Variants in B3GLCT observed in about 807,000 individuals in gnomAD.
B3GLCT encodes beta-1,3-glucosyltransferase.
Under a neutral mutation model 63.4 loss-of-function variants are expected in B3GLCT, and 65 were observed. That is an observed-to-expected ratio of 1.03 (90% confidence interval 0.84 to 1.26). B3GLCT has a LOEUF of 1.26. Among genes scored for constraint, B3GLCT ranks in the 50% most tolerant of loss-of-function variants. The probability of loss-of-function intolerance (pLI) is 0.00; values close to 1 mark genes in which losing one functional copy is unlikely to be tolerated. For missense variants in B3GLCT, 577 were observed against 604.8 expected (o/e 0.95, Z 0.48); for synonymous variants, 233 against 219.2 (o/e 1.06, Z -0.55).
intron 4 of B3GLCT, among the ~76,000 whole-genome samples, chr13:31,233,418 A>T (rs1870478775): frequency 6.6e-6 from 1 of 152,108 alleles, no homozygotes; most frequent in African/African-American, 2.4e-5. Context: ...ATCCTTCAGT[A>T]TTGAAACAAA....
intron 3 of B3GLCT, among the ~76,000 whole-genome samples, chr13:31,227,299 C>G (rs1870149071): frequency 6.6e-6 from 1 of 151,960 alleles, no homozygotes; most frequent in South Asian, 2.1e-4. Context: ...ATTTCTGGGT[C>G]ATTGGGAATG....
At position 31,247,087 on chromosome 13, in the gene B3GLCT, C is replaced by G; in HGVS notation, c.335C>G (p.Pro112Arg). ...AKQEGAWTIL[P>R]LLPHFSVTYS... Reference sequence around the variant, plus strand: ...CAAGAAGGTGCATGGACCATACTTCCGTTGTTACCGCAGTACGTTTGTTTA... The same window carrying G: ...CAAGAAGGTGCATGGACCATACTTCGGTTGTTACCGCAGTACGTTTGTTTA... The change falls in exon 5 of 15, where the codon CCG becomes CGG. Residue 112 changes from proline to arginine, a missense_variant. Physicochemically the swap from Pro to Arg is moderately radical, Grantham distance 103 (BLOSUM62 -2). Coordinates refer to ENST00000343307, the MANE Select transcript of B3GLCT (RefSeq NM_194318.4). The G allele has an allele frequency of 6.2e-7, 1 of 1,612,890 alleles. No homozygotes were observed. Among genetic ancestry groups the G allele is most frequent in the Non-Finnish European group, 8.5e-7 (1 of 1,179,170 alleles).
At chr13:31,302,351 G>A (rs539848957) in intron 12 of B3GLCT, among the ~76,000 whole-genome samples, 12 of 151,992 alleles carry the variant, frequency 7.9e-5, no homozygotes, top group South Asian at 2.1e-4. Context: ...GAACAGCTCC[G>A]GTCTACAGCT....
chr13:31,200,476 G>A (rs1310978831), intron 1 of B3GLCT, among the ~76,000 whole-genome samples: 2 of 149,952 alleles, frequency 1.3e-5, no homozygotes, highest in Admixed American at 6.6e-5. Flanking sequence ...CGGCGAGGGC[G>A]CAGCAGCCGC....
At chr13:31,306,503 T>C (rs1476538092) in intron 12 of B3GLCT, among the ~76,000 whole-genome samples, 2 of 108,014 alleles carry the variant, frequency 1.9e-5, no homozygotes, top group East Asian at 5.7e-4. Context: ...AAAATCAATG[T>C]ACAAAAATCA....
intron 8 of B3GLCT, among the ~76,000 whole-genome samples, chr13:31,272,424 G>A (rs948101837): frequency 4.0e-5 from 6 of 151,800 alleles, no homozygotes; most frequent in African/African-American, 1.5e-4. Flanking sequence ...CACCATCTTG[G>A]CCAGGCTGGT....
intron 1 of B3GLCT, among the ~76,000 whole-genome samples, chr13:31,201,325 A>G (rs1193238569): frequency 6.6e-6 from 1 of 152,218 alleles, no homozygotes; most frequent in Non-Finnish European, 1.5e-5. Context: ...TGGCATTTCT[A>G]TAGGCGCTCA....
chr13:31,282,683 G>A (rs533705782), intron 10 of B3GLCT, among the ~76,000 whole-genome samples: 1 of 151,916 alleles, frequency 6.6e-6, no homozygotes, highest in East Asian at 1.9e-4. Flanking sequence ...ATGCATGGAG[G>A]TTATATTGAC....
chr13:31,279,945 G>T (rs1484890455), intron 10 of B3GLCT, among the ~76,000 whole-genome samples: 1 of 152,196 alleles, frequency 6.6e-6, no homozygotes, highest in Non-Finnish European at 1.5e-5. Flanking sequence ...GCTTTTGAGA[G>T]AAGTGAAATA....
At chr13:31,288,550 C>T (rs146380506) in intron 12 of B3GLCT, among the ~76,000 whole-genome samples, 8 of 152,310 alleles carry the variant, frequency 5.3e-5, no homozygotes, top group Non-Finnish European at 1.2e-4. Flanking sequence ...AAGACTGACT[C>T]AGTTGGCATC....
chr13:31,289,770 G>A (rs1330402318), intron 12 of B3GLCT, among the ~76,000 whole-genome samples: 2 of 152,032 alleles, frequency 1.3e-5, no homozygotes, highest in Non-Finnish European at 2.9e-5. Flanking sequence ...GATTAACCTT[G>A]AATATAACTG....
At chr13:31,222,134 A>G (rs966503229) in intron 2 of B3GLCT, among the ~76,000 whole-genome samples, 1 of 141,520 alleles carries the variant, frequency 7.1e-6, no homozygotes, top group African/African-American at 2.7e-5. Flanking sequence ...GCTGGAATGC[A>G]GTGACACGAT....
Position 31,200,126 on chromosome 13 carries a change from G to A in B3GLCT, c.42G>A (p.Ala14=), listed in dbSNP as rs1201580196. Residue 14 remains alanine, a synonymous_variant, in exon 1 of 15, where the codon GCG becomes GCA. Coordinates refer to ENST00000343307, the MANE Select transcript of B3GLCT (RefSeq NM_194318.4). ...PACWWLLAPP[A]LLALLTCSLA... is the part of the protein sequence containing the mutation. ...GCTGGTGGCTGCTCGCGCCGCCGGCGCTGCTCGCGCTCCTCACCTGCTCCC... is the reference window on the plus strand; with the variant it reads ...GCTGGTGGCTGCTCGCGCCGCCGGCACTGCTCGCGCTCCTCACCTGCTCCC... The A allele has an allele frequency of 2.2e-6, 3 of 1,374,104 alleles. No homozygotes were observed. Among genetic ancestry groups the A allele is most frequent in the South Asian group, 1.4e-5 (1 of 71,402 alleles). 85.1% of individuals were successfully genotyped at this position (1,374,104 alleles called of 1,614,324 possible).
intron 4 of B3GLCT, among the ~76,000 whole-genome samples, chr13:31,244,767 A>G (rs989761937): frequency 6.6e-6 from 1 of 152,112 alleles, no homozygotes; most frequent in East Asian, 1.9e-4. Flanking sequence ...ATGTGTGTAT[A>G]TGTATATGAC....
chr13:31,270,508 A>C (rs1478828914), intron 8 of B3GLCT, among the ~76,000 whole-genome samples: 1 of 152,238 alleles, frequency 6.6e-6, no homozygotes, highest in Admixed American at 6.5e-5. Context: ...AAATCTACTA[A>C]ACATTGAATA....
chr13:31,274,386 T>G, intron 8 of B3GLCT, 123 bp from the exon 9 acceptor site: 3 of 1,274,942 alleles, frequency 2.4e-6, no homozygotes, highest in Non-Finnish European at 3.4e-6. Flanking sequence ...ACTGACAAAT[T>G]GATATGGTTC....
rs1279824959 is a variant in B3GLCT at position 31,289,487 on chromosome 13, TGAAA to T, written c.1064+2676_1064+2679del. Among the ~76,000 whole-genome samples the T allele has an allele frequency of 1.2e-4, 18 of 152,258 alleles. No homozygotes were observed. In the East Asian group the frequency reaches 2.7e-3, roughly 23 times the overall value. On this transcript the variant is annotated intron_variant, in intron 12 of 14. Transcript: ENST00000343307. ...TATATTCAGAATGTTTAAATTCAAG[TGAAA>T]GAAAGAATCTTTAAAATTAGCAAGA...
In B3GLCT at chr13:31,200,057, G is replaced by T; in HGVS notation, c.-28G>T. On this transcript the variant is annotated 5_prime_UTR_variant, in exon 1 of 15. In the 5' UTR this introduces an upstream ATG that the reference lacks. Coordinates refer to ENST00000343307, the MANE Select transcript of B3GLCT (RefSeq NM_194318.4). ...CGCGCGTCTCCCTTCCCCGCGCCCAGGTAGGGCGCTCAGCCTCCGCCGCCA... is the reference window on the plus strand; with the variant it reads ...CGCGCGTCTCCCTTCCCCGCGCCCATGTAGGGCGCTCAGCCTCCGCCGCCA... 4 of 1,339,140 alleles carry T rather than the reference G, an allele frequency of 3.0e-6. No homozygotes were observed. The highest frequency in any genetic ancestry group is 1.9e-6 in the Non-Finnish European group (2 of 1,032,660). The allele number at this position is 1,339,140 out of a possible 1,614,324, so 83.0% of individuals were successfully genotyped here.
At position 31,200,127 on chromosome 13, in the gene B3GLCT, C is replaced by T. The variant is rs2137720965; in HGVS notation, c.43C>T (p.Leu15=). ...ACWWLLAPPA[L]LALLTCSLAF... is the part of the protein sequence containing the mutation. ...CTGGTGGCTGCTCGCGCCGCCGGCG[C>T]TGCTCGCGCTCCTCACCTGCTCCCT... The change falls in exon 1 of 15, where the codon CTG becomes TTG. Residue 15 remains leucine (L), a synonymous_variant. Transcript: ENST00000343307. 1 of 1,375,330 alleles carries T rather than the reference C, an allele frequency of 7.3e-7. No homozygotes were observed. The highest frequency in any genetic ancestry group is 9.5e-7 in the Non-Finnish European group (1 of 1,054,656). The allele number at this position is 1,375,330 out of a possible 1,614,324, so 85.2% of individuals were successfully genotyped here.
Sources: gnomAD v4.1 joint callset for allele counts (sites outside exome capture counted in the v4.1 genomes callset) on GRCh38, gnomAD v4.1.1 for gene constraint, MANE v1.5 for transcripts, NCBI Gene and HGNC (gene_info 2026-07-23, HGNC 2026-07-21) for gene names.